PIEZO2: variants seen among roughly 807,000 people sequenced by gnomAD.
PIEZO2 encodes the protein piezo type mechanosensitive ion channel component 2.
PIEZO2 carries 172 observed loss-of-function variants against 337.3 expected under a neutral mutation model. That is an observed-to-expected ratio of 0.51 (90% CI 0.45 to 0.58). PIEZO2 has a LOEUF of 0.58. Ranked by LOEUF, PIEZO2 falls within the 20% of genes least tolerant of loss-of-function variation. The pLI is 0.00. For missense variants in PIEZO2, 3,028 were observed against 3,391.3 expected, an observed-to-expected ratio of 0.89 and a Z score of 2.66; for synonymous variants, 1,251 against 1,228.5, an observed-to-expected ratio of 1.02 and a Z score of -0.38.
At chr18:10,887,682 G>A (rs956051806) in intron 4 of PIEZO2, among the ~76,000 whole-genome samples, 6 of 152,356 alleles carry the variant, frequency 3.9e-5, no homozygotes, top group African/African-American at 1.2e-4. Flanking sequence ...TGGGAAGCAT[G>A]TGTTGCATTC....
rs887369804 is a variant in PIEZO2 at position 10,979,873 on chromosome 18, C to A, written c.161-213G>T. 2.6e-5 allele frequency among the ~76,000 whole-genome samples: 4 copies of A among 152,108 alleles called. No individual in the cohort carries two copies. The highest frequency in any genetic ancestry group is 1.3e-4 in the Admixed American group (2 of 15,274). On this transcript the variant is annotated intron_variant, in intron 2 of 55. Transcript: ENST00000674853. The surrounding 1 kb of genome is among the most constrained non-coding windows in gnomAD (Gnocchi z 4.0). ...TTTGGGTTTATATTTATTAAAAATTCACTGTAAAAGAAGGATAATTTCCTA... is the reference window on the plus strand; with the variant it reads ...TTTGGGTTTATATTTATTAAAAATTAACTGTAAAAGAAGGATAATTTCCTA...
rs1568412608 is a variant in PIEZO2 at position 11,143,625 on chromosome 18, A to ACTCTCT, written c.64+4899_64+4900insAGAGAG. Among the ~76,000 whole-genome samples, 323 of 140,824 alleles carry ACTCTCT rather than the reference A, an allele frequency of 2.3e-3. 2 individuals are homozygous for ACTCTCT. Among genetic ancestry groups the ACTCTCT allele is most frequent in the African/African-American group, 8.4e-3 (301 of 35,704 alleles). 92.4% of individuals were successfully genotyped at this position (140,824 alleles called of 152,430 possible). A position where few individuals can be genotyped will look rare whatever the true frequency, so the allele number is the denominator to read the frequency against. On this transcript the variant is annotated intron_variant, in intron 1 of 55. Transcript: ENST00000674853. This position sits in a 1 kb window ranked among gnomAD's most constrained non-coding sequence, Gnocchi z 4.9. Reference sequence around the variant, plus strand: ...AACACACACACACACACACACACACACACACACACACACACTCTCTCTCTC... The same window carrying ACTCTCT: ...AACACACACACACACACACACACACACTCTCTCACACACACACACACTCTCTCTCTC...
Position 10,748,322 on chromosome 18 carries a change from G to C in PIEZO2, c.4424+149C>G. The C allele has an allele frequency of 2.6e-6, 2 of 760,748 alleles. No homozygotes were observed. The highest frequency in any genetic ancestry group is 2.7e-5 in the East Asian group (1 of 36,712). The allele number at this position is 760,748 out of a possible 1,614,324, so 47.1% of individuals were successfully genotyped here. A position where few individuals can be genotyped will look rare whatever the true frequency, so the allele number is the denominator to read the frequency against. Reference sequence around the variant, plus strand: ...GTTACTATTCTATTTTACAGGCCTTGTGCTAAATTCTTCTTGGATTGGTTT... The same window carrying C: ...GTTACTATTCTATTTTACAGGCCTTCTGCTAAATTCTTCTTGGATTGGTTT... On this transcript the variant is annotated intron_variant, in intron 30 of 55. Coordinates refer to ENST00000674853, the MANE Select transcript of PIEZO2 (RefSeq NM_001378183.1). This position sits in a 1 kb window ranked among gnomAD's most constrained non-coding sequence, Gnocchi z 5.1.
At chr18:11,050,390 A>G (rs553511873) in intron 2 of PIEZO2, among the ~76,000 whole-genome samples, 1 of 152,264 alleles carries the variant, frequency 6.6e-6, no homozygotes, top group South Asian at 2.1e-4. Context: ...ATGTCTAAAC[A>G]TGTCTTTACA....
At chr18:11,025,361 TG>T (rs1236657172) in intron 2 of PIEZO2, among the ~76,000 whole-genome samples, 1 of 152,196 alleles carries the variant, frequency 6.6e-6, no homozygotes, top group Non-Finnish European at 1.5e-5. Context: ...CCATATTTTT[TG>T]TTTGATGGGA....
At chr18:11,043,244 C>T in intron 2 of PIEZO2, among the ~76,000 whole-genome samples, 1 of 5,792 alleles carries the variant, frequency 1.7e-4, no homozygotes, top group Admixed American at 9.0e-4. Context: ...CCTTTAAACG[C>T]ACACACACAC....
chr18:11,024,536 ACT>A (rs2036456156), intron 2 of PIEZO2, among the ~76,000 whole-genome samples: 1 of 133,822 alleles, frequency 7.5e-6, no homozygotes. Flanking sequence ...ACAGAGCGAG[ACT>A]CTGTCTCAGA....
chr18:10,986,475 T>G (rs372515849), intron 2 of PIEZO2, among the ~76,000 whole-genome samples: 16 of 151,946 alleles, frequency 1.1e-4, no homozygotes, highest in East Asian at 7.7e-4. Context: ...ACAGAACGAG[T>G]GATAAAAATC....
chr18:10,917,478 T>C (rs1251524053), intron 3 of PIEZO2, among the ~76,000 whole-genome samples: 1 of 152,218 alleles, frequency 6.6e-6, no homozygotes, highest in Admixed American at 6.5e-5. Context: ...TGTTTCTTCA[T>C]TGATTACTTT....
intron 1 of PIEZO2, among the ~76,000 whole-genome samples, chr18:11,134,653 C>G (rs2040431340): frequency 6.6e-6 from 1 of 152,206 alleles, no homozygotes. Flanking sequence ...TTGGAAAACA[C>G]TGCACGTTGT....
In PIEZO2 at chr18:10,696,467, A is replaced by G. The variant is rs763910500; in HGVS notation, c.6900T>C (p.Thr2300=). Reference sequence around the variant, plus strand: ...CCAGGAACATGAGTACATACACGTCAGTCACGGCGCTATACTCCGGGTGGA... The same window carrying G: ...CCAGGAACATGAGTACATACACGTCGGTCACGGCGCTATACTCCGGGTGGA... ...NLIHPEYSAV[T]DVYVLMFLAD... The change falls in exon 46 of 56, where the codon ACT becomes ACC. Residue 2300 remains threonine (T), a synonymous_variant. Transcript: ENST00000674853. 33 of 1,614,104 alleles carry G rather than the reference A, an allele frequency of 2.0e-5. No individual in the cohort carries two copies. Among genetic ancestry groups the G allele is most frequent in the Non-Finnish European group, 8.5e-7 (1 of 1,180,036 alleles).
At chr18:10,702,603 C>T (rs771959111) in intron 42 of PIEZO2, among the ~76,000 whole-genome samples, 8 of 152,200 alleles carry the variant, frequency 5.3e-5, no homozygotes, top group African/African-American at 7.2e-5. Context: ...GCATATCACA[C>T]GGTTAGGATG....
chr18:10,955,865 G>T (rs1032226029), intron 3 of PIEZO2, among the ~76,000 whole-genome samples: 5 of 152,046 alleles, frequency 3.3e-5, no homozygotes, highest in African/African-American at 9.7e-5. Flanking sequence ...TAAATTTTTT[G>T]TTTGTTTGTT....
At chr18:10,721,318 G>A (rs2036301348) in intron 36 of PIEZO2, among the ~76,000 whole-genome samples, 2 of 152,196 alleles carry the variant, frequency 1.3e-5, no homozygotes, top group African/African-American at 4.8e-5. Flanking sequence ...TGGCACTTCA[G>A]AAGAATGGGA....
intron 3 of PIEZO2, among the ~76,000 whole-genome samples, chr18:10,939,165 T>A (rs2032576032): frequency 6.6e-6 from 1 of 150,818 alleles, no homozygotes; most frequent in Admixed American, 6.6e-5. Flanking sequence ...TCTTATATTT[T>A]GGGTTGTACC....
rs1382347753 is a variant in PIEZO2, at chr18:10,727,214, G to C, written c.5029+4193C>G. 6.6e-6 allele frequency: 2 copies of C among 302,892 alleles called. No homozygotes were observed. The highest frequency in any genetic ancestry group is 4.3e-5 in the African/African-American group (2 of 46,050). The allele number at this position is 302,892 out of a possible 1,614,324, so 18.8% of individuals were successfully genotyped here. ...TGAGCAGAGGGAAGGCATGGGGGCA[G>C]GAAGGGAGCTGAGCATTGATGGGGA... On this transcript the variant is annotated intron_variant, in intron 36 of 55. Transcript: ENST00000674853. This position sits in a 1 kb window ranked among gnomAD's most constrained non-coding sequence, Gnocchi z 6.3.
In PIEZO2 at chr18:11,032,848, A is replaced by C. The variant is rs558177656; in HGVS notation, c.160+33279T>G. On this transcript the variant is annotated intron_variant, in intron 2 of 55. Coordinates refer to ENST00000674853, the MANE Select transcript of PIEZO2 (RefSeq NM_001378183.1). The surrounding 1 kb of genome is among the most constrained non-coding windows in gnomAD (Gnocchi z 4.9). ...TGGACCTCGCCTGTTTAAGTAGCCC[A>C]CCCTAAGCATGTAACAGGCCTAATG... Among the ~76,000 whole-genome samples the C allele has an allele frequency of 6.6e-6, 1 of 152,158 alleles. No homozygotes were observed. Among genetic ancestry groups the C allele is most frequent in the Non-Finnish European group, 1.5e-5 (1 of 68,008 alleles).
At chr18:10,885,651 T>A (rs1378400417) in intron 4 of PIEZO2, among the ~76,000 whole-genome samples, 1 of 152,172 alleles carries the variant, frequency 6.6e-6, no homozygotes, top group Non-Finnish European at 1.5e-5. Flanking sequence ...ATTGGGAACC[T>A]TGACTGTTTT....
Position 10,788,001 on chromosome 18 carries a change from C to T in PIEZO2, c.2170-817G>A, listed in dbSNP as rs939651764. Among the ~76,000 whole-genome samples, 46 of 152,172 alleles carry T rather than the reference C, an allele frequency of 3.0e-4. 1 individual carries two copies. The highest frequency in any genetic ancestry group is 2.4e-3 in the Admixed American group (36 of 15,272). On this transcript the variant is annotated intron_variant, in intron 15 of 55. Coordinates refer to ENST00000674853, the MANE Select transcript of PIEZO2 (RefSeq NM_001378183.1). ...GTACACAAAGAGCAGGCACATGCCA[C>T]ACATATATCTTTTTCTGACCCTAAA... is the stretch of plus-strand genomic sequence containing the variant.
Sources: gnomAD v4.1 joint callset for allele counts (sites outside exome capture counted in the v4.1 genomes callset) on GRCh38, gnomAD v4.1.1 for gene constraint, Gnocchi (gnomAD v3.1) non-coding constraint, MANE v1.5 for transcripts, NCBI Gene and HGNC (gene_info 2026-07-23, HGNC 2026-07-21) for gene names.